DLG2: variants seen among roughly 807,000 people sequenced by gnomAD.
The protein encoded by DLG2 is disks large homolog 2.
In DLG2, 45 loss-of-function variants were observed where a neutral mutation model predicts 132.5. That is an observed-to-expected ratio of 0.34 (90% confidence interval 0.27 to 0.44). The LOEUF (loss-of-function observed/expected upper bound fraction) is 0.44. Ranked by LOEUF, DLG2 falls within the 20% of genes least tolerant of loss-of-function variation. DLG2 has a pLI of 1.00. For missense variants in DLG2, 1,045 were observed against 1,196.9 expected, an observed-to-expected ratio of 0.87 and a Z score of 1.87; for synonymous variants, 424 against 419.6, an observed-to-expected ratio of 1.01 and a Z score of -0.13.
At chr11:83,476,872 G>C (rs972151434) in intron 22 of DLG2, among the ~76,000 whole-genome samples, 6 of 152,028 alleles carry the variant, frequency 3.9e-5, no homozygotes, top group African/African-American at 1.4e-4. Flanking sequence ...AATTAAATGA[G>C]ATAATAGATG....
chr11:83,757,225 T>A (rs974959872), intron 18 of DLG2, among the ~76,000 whole-genome samples: 4 of 152,178 alleles, frequency 2.6e-5, no homozygotes, highest in African/African-American at 9.7e-5. Context: ...AGTGACAGAG[T>A]TGGAATTCAG....
intron 6 of DLG2, among the ~76,000 whole-genome samples, chr11:84,535,722 G>A (rs2099353792): frequency 1.3e-5 from 2 of 152,044 alleles, no homozygotes; most frequent in South Asian, 4.2e-4. Context: ...CATTGTTCAA[G>A]GCTGTTGTCC....
chr11:84,484,204 A>G (rs576746970), intron 7 of DLG2, among the ~76,000 whole-genome samples: 1 of 152,210 alleles, frequency 6.6e-6, no homozygotes, highest in East Asian at 1.9e-4. Flanking sequence ...ACTTTAGCCA[A>G]TGAATGTGAG....
intron 7 of DLG2, among the ~76,000 whole-genome samples, chr11:84,444,835 A>G (rs2099028450): frequency 6.9e-6 from 1 of 144,468 alleles, no homozygotes; most frequent in Non-Finnish European, 1.5e-5. Context: ...ACAGAGTTTC[A>G]CTCTTGTCGT....
At chr11:85,330,649 G>T (rs1425125479) in intron 3 of DLG2, among the ~76,000 whole-genome samples, 1 of 97,420 alleles carries the variant, frequency 1.0e-5, no homozygotes, top group Non-Finnish European at 2.1e-5. Context: ...AGGGGGGAGG[G>T]ATAGCATTGG....
chr11:84,426,827 G>A (rs768553655), intron 7 of DLG2, among the ~76,000 whole-genome samples: 62 of 152,206 alleles, frequency 4.1e-4, no homozygotes, highest in Middle Eastern at 6.8e-3. Flanking sequence ...TGGCACTCAC[G>A]AAACAGGGAA....
At chr11:84,946,287 C>G (rs985836721) in intron 6 of DLG2, among the ~76,000 whole-genome samples, 4 of 152,100 alleles carry the variant, frequency 2.6e-5, no homozygotes, top group Non-Finnish European at 5.9e-5. Flanking sequence ...GAAGGAATCC[C>G]TTCTCCATGG....
chr11:84,811,553 AC>A (rs1319719699), intron 6 of DLG2, among the ~76,000 whole-genome samples: 2 of 152,156 alleles, frequency 1.3e-5, no homozygotes, highest in Non-Finnish European at 2.9e-5. Context: ...AACAACAAAG[AC>A]AATTAGGCCA....
intron 13 of DLG2, among the ~76,000 whole-genome samples, chr11:83,964,498 G>T (rs149246385): frequency 1.3e-3 from 203 of 152,050 alleles, no homozygotes; most frequent in African/African-American, 4.6e-3. Flanking sequence ...CTAATTAATG[G>T]CCAGTTCTGA....
intron 7 of DLG2, among the ~76,000 whole-genome samples, chr11:84,452,123 AGAAG>A: frequency 6.7e-6 from 1 of 149,054 alleles, no homozygotes; most frequent in African/African-American, 2.5e-5. Flanking sequence ...AAAAAAAAAA[AGAAG>A]GAAGAAGGAG....
At chr11:84,598,798 G>A (rs963911516) in intron 6 of DLG2, among the ~76,000 whole-genome samples, 16 of 151,734 alleles carry the variant, frequency 1.1e-4, no homozygotes, top group African/African-American at 3.4e-4. Flanking sequence ...AAATTTAGCC[G>A]GGCATGGTGT....
intron 18 of DLG2, among the ~76,000 whole-genome samples, chr11:83,706,356 G>A (rs1592795113): frequency 6.6e-6 from 1 of 152,224 alleles, no homozygotes; most frequent in Admixed American, 6.5e-5. Flanking sequence ...CATGGTACTG[G>A]AGACAGCATA....
intron 6 of DLG2, among the ~76,000 whole-genome samples, chr11:84,549,721 T>G (rs2099397841): frequency 2.0e-5 from 3 of 152,126 alleles, no homozygotes; most frequent in South Asian, 4.1e-4. Context: ...TAACAGGTGC[T>G]TAGGAAATAT....
intron 9 of DLG2, among the ~76,000 whole-genome samples, chr11:84,157,184 C>T (rs1001520504): frequency 6.6e-6 from 1 of 151,524 alleles, no homozygotes; most frequent in African/African-American, 2.4e-5. Context: ...GTAATAGATA[C>T]ATTTCTTAAC....
chr11:84,784,060 G>A (rs549609400), intron 6 of DLG2, among the ~76,000 whole-genome samples: 12 of 149,840 alleles, frequency 8.0e-5, no homozygotes, highest in Admixed American at 3.4e-4. Context: ...CACTTTGGGA[G>A]GCTGAGGCGG....
intron 6 of DLG2, among the ~76,000 whole-genome samples, chr11:84,957,109 A>G (rs1053054011): frequency 1.3e-5 from 2 of 152,216 alleles, no homozygotes; most frequent in African/African-American, 4.8e-5. Flanking sequence ...GGGGAGAGAT[A>G]CAACTATGAT....
rs147011629 is a variant in DLG2 at position 84,475,350 on chromosome 11, G to T, written c.519+59220C>A. ...GGGAGAAATACTAACATTTTTTGCGGTCAAATAGACGTAGTTTAGAAAGAA... is the reference window on the plus strand; with the variant it reads ...GGGAGAAATACTAACATTTTTTGCGTTCAAATAGACGTAGTTTAGAAAGAA... On this transcript the variant is annotated intron_variant, in intron 7 of 27. Coordinates refer to ENST00000376104, the MANE Select transcript of DLG2 (RefSeq NM_001142699.3). Among the ~76,000 whole-genome samples the T allele has an allele frequency of 1.6e-3, 248 of 152,104 alleles. 3 individuals carry two copies. The highest frequency in any genetic ancestry group is 4.9e-3 in the African/African-American group (204 of 41,520).
chr11:85,407,396 C>T (rs530357201), intron 3 of DLG2, among the ~76,000 whole-genome samples: 1 of 151,772 alleles, frequency 6.6e-6, no homozygotes, highest in Non-Finnish European at 1.5e-5. Context: ...TGGAGTCAAA[C>T]CTGTGTTCAA....
chr11:83,623,953 A>C (rs2062062658), intron 19 of DLG2, among the ~76,000 whole-genome samples: 1 of 152,264 alleles, frequency 6.6e-6, no homozygotes, highest in East Asian at 1.9e-4. Flanking sequence ...TTGTTCTAGA[A>C]AGTAGTCATT....
Sources: gnomAD v4.1 joint callset for allele counts (sites outside exome capture counted in the v4.1 genomes callset) on GRCh38, gnomAD v4.1.1 for gene constraint, MANE v1.5 for transcripts, NCBI Gene and HGNC (gene_info 2026-07-23, HGNC 2026-07-21) for gene names.